Variants in MLH3 observed in about 807,000 individuals in gnomAD.
MLH3 encodes the protein mutL homolog 3, also known as DNA mismatch repair protein Mlh3.
In MLH3, 82 loss-of-function variants were observed where a neutral mutation model predicts 122.2. The ratio of observed to expected loss-of-function variants is 0.67; its 90% CI spans 0.56 to 0.81. The LOEUF is 0.81. Among genes scored for constraint, MLH3 ranks in the 30% least tolerant of loss-of-function variants. The pLI is 0.00. For synonymous variants in MLH3, 524 were observed against 599.5 expected (o/e 0.87, Z 1.84); for missense variants, 1,539 against 1,714.5 (o/e 0.90, Z 1.81).
At position 75,032,073 on chromosome 14, in the gene MLH3, G is replaced by C; in HGVS notation, c.3822C>G (p.Leu1274=). The C allele has an allele frequency of 6.3e-7, 1 of 1,583,850 alleles. No individual in the cohort carries two copies. The change falls in exon 8 of 13, where the codon CTC becomes CTG. Residue 1274 remains leucine, a synonymous_variant. Transcript: ENST00000355774. The part of the protein sequence containing the change: ...EITVTEEQRR[L]LWCYHKNLED... ...ATTCTCATGGTGGTACTGACCATAA[G>C]AGTCTCCTTTGTTCCTCTGTCACTG...
At chr14:75,051,124 G>C (rs1892629440) in intron 1 of MLH3, 4 of 152,298 alleles carry the variant, frequency 2.6e-5, no homozygotes, top group African/African-American at 9.6e-5. Flanking sequence ...CACGGGCCTG[G>C]ATCCAGGGCA....
intron 2 of MLH3, among the ~76,000 whole-genome samples, chr14:75,044,552 A>G (rs896895123): frequency 6.6e-6 from 1 of 152,226 alleles, no homozygotes; most frequent in African/African-American, 2.4e-5. Context: ...ATAAAACCAC[A>G]TAGATTGAAA....
At position 75,014,223 on chromosome 14, in the gene MLH3, C is replaced by A; in HGVS notation, c.*2859G>T. 1 of 170,920 alleles carries A rather than the reference C, an allele frequency of 5.9e-6. No individual in the cohort carries two copies. 10.6% of individuals were successfully genotyped at this position (170,920 alleles called of 1,614,324 possible). On this transcript the variant is annotated 3_prime_UTR_variant, in exon 13 of 13. Transcript: ENST00000355774. ...GCCCCTTTCTGCTCTGACCATTTTG[C>A]TTGCCTGGGTTTTTTCACTGTCTGC...
intron 12 of MLH3, among the ~76,000 whole-genome samples, chr14:75,018,574 A>C (rs1452748939): frequency 6.6e-6 from 1 of 152,258 alleles, no homozygotes; most frequent in East Asian, 1.9e-4. Flanking sequence ...TTCAGGGTAC[A>C]TAAGTCTGTA....
At chr14:75,038,861 C>T (rs1329312948) in intron 5 of MLH3, among the ~76,000 whole-genome samples, 2 of 149,490 alleles carry the variant, frequency 1.3e-5, no homozygotes, top group Admixed American at 6.7e-5. Flanking sequence ...TTTTTTGAGA[C>T]GGAGTCTCAC....
intron 6 of MLH3, among the ~76,000 whole-genome samples, chr14:75,037,673 C>T (rs1891512152): frequency 6.6e-6 from 1 of 151,964 alleles, no homozygotes; most frequent in East Asian, 1.9e-4. Context: ...AAAAGATGGG[C>T]TGGGCGTGGT....
At chr14:75,044,984 C>T (rs139394618) in intron 2 of MLH3, among the ~76,000 whole-genome samples, 73 of 152,284 alleles carry the variant, frequency 4.8e-4, no homozygotes, top group Admixed American at 2.7e-3. Context: ...AAATGTGGAC[C>T]GAGAACCCAG....
At chr14:75,030,788 T>G (rs897871922) in intron 8 of MLH3, 86 bp from the exon 9 acceptor site, 2 of 1,190,276 alleles carry the variant, frequency 1.7e-6, no homozygotes, top group African/African-American at 3.1e-5. Flanking sequence ...TACTTAATAG[T>G]TTTTCAAAAG....
intron 5 of MLH3, among the ~76,000 whole-genome samples, chr14:75,038,896 T>C (rs565392984): frequency 3.9e-5 from 6 of 151,916 alleles, no homozygotes; most frequent in Admixed American, 3.9e-4. Flanking sequence ...TGGAGTGCAA[T>C]GGTGTGATCT....
At position 75,038,375 on chromosome 14, in the gene MLH3, A is replaced by C. The variant is rs761468610; in HGVS notation, c.3608T>G (p.Leu1203Trp). 10 of 1,613,992 alleles carry C rather than the reference A, an allele frequency of 6.2e-6. No homozygotes were observed. The highest frequency in any genetic ancestry group is 8.5e-6 in the Non-Finnish European group (10 of 1,179,882). The change falls in exon 6 of 13, where the codon TTG (leucine) becomes TGG (tryptophan). Residue 1203 changes from leucine to tryptophan, a missense_variant. Coordinates refer to ENST00000355774, the MANE Select transcript of MLH3 (RefSeq NM_001040108.2). ...QQVDNKFIAC[L>W]MSTKTEENGE... ...ATTCTCTTCAGTCTTAGTGCTCATC[A>C]AACAGGCAATAAACTTGTTATCTAC...
chr14:75,025,353 C>T (rs189593039), intron 9 of MLH3, among the ~76,000 whole-genome samples: 12 of 152,212 alleles, frequency 7.9e-5, no homozygotes, highest in African/African-American at 2.4e-4. Context: ...AACTAATGTC[C>T]TCATGACAGT....
chr14:75,034,653 A>G (rs1891269102), intron 6 of MLH3, among the ~76,000 whole-genome samples: 1 of 151,934 alleles, frequency 6.6e-6, no homozygotes, highest in African/African-American at 2.4e-5. Flanking sequence ...AACCATTCCC[A>G]TCTCCCTGGC....
intron 8 of MLH3, among the ~76,000 whole-genome samples, 159 bp downstream of exon 8, chr14:75,031,909 A>G (rs1891076836): frequency 6.6e-6 from 1 of 152,234 alleles, no homozygotes; most frequent in African/African-American, 2.4e-5. Context: ...CCTGCCTTTG[A>G]GTGCCTGCTC....
At chr14:75,026,632 T>G (rs1890646127) in intron 9 of MLH3, among the ~76,000 whole-genome samples, 1 of 152,122 alleles carries the variant, frequency 6.6e-6, no homozygotes, top group South Asian at 2.1e-4. Context: ...CTTTCCAAAC[T>G]GAAGAAGCAT....
rs761250969 is a variant in MLH3 at position 75,030,551 on chromosome 14, T to C, written c.3979A>G (p.Ile1327Val). The C allele has an allele frequency of 1.1e-5, 18 of 1,614,020 alleles. No individual in the cohort carries two copies. Among genetic ancestry groups the C allele is most frequent in the Non-Finnish European group, 1.4e-5 (17 of 1,180,000 alleles). Residue 1327 changes from isoleucine (I) to valine (V), a missense_variant, in exon 9 of 13, where the codon ATT becomes GTT. Coordinates refer to ENST00000355774, the MANE Select transcript of MLH3 (RefSeq NM_001040108.2). ...CTGCAGCTGTGTCTTACCTCCACAA[T>C]ACTCTTGGTCACAGTAGATCTTCCT... ...RRGRSTVTKS[I>V]VEEFIREQLE... is the part of the protein sequence containing the mutation.
rs746636314 is a variant in MLH3 at position 75,046,858 on chromosome 14, C to CAAAA, written c.2797_2798insTTTT (p.Gly933ValfsTer14). On this transcript the variant is annotated frameshift_variant, in exon 2 of 13. Coordinates refer to ENST00000355774, the MANE Select transcript of MLH3 (RefSeq NM_001040108.2). LOFTEE classifies it high-confidence loss of function. ...GGCAGAATCTGATGTTGGGATGACA[C>CAAAA]CATTCTCTGTTTTTTCATGCTTGTT... The CAAAA allele has an allele frequency of 6.2e-7, 1 of 1,613,992 alleles. No homozygotes were observed. Among genetic ancestry groups the CAAAA allele is most frequent in the Admixed American group, 1.7e-5 (1 of 60,016 alleles).
Position 75,047,774 on chromosome 14 carries a change from T to C in MLH3, c.1882A>G (p.Lys628Glu). 6.2e-7 allele frequency: 1 copy of C among 1,614,126 alleles called. No homozygotes were observed. ...GTGGGACCAGGTCTAACATAATTTTTAAATGAATGTTCTGTTTCAGTTGAT... is the reference window on the plus strand; with the variant it reads ...GTGGGACCAGGTCTAACATAATTTTCAAATGAATGTTCTGTTTCAGTTGAT... ...TKSTETEHSF[K>E]NYVRPGPTRA... The change falls in exon 2 of 13, where the codon AAA (lysine) becomes GAA (glutamate). Residue 628 changes from lysine (K) to glutamate (E), a missense_variant. Coordinates refer to ENST00000355774, the MANE Select transcript of MLH3 (RefSeq NM_001040108.2).
rs2139546286 is a variant in MLH3, at chr14:75,046,490, C to T, written c.3166G>A (p.Val1056Ile). Residue 1056 changes from valine to isoleucine, a missense_variant, in exon 2 of 13, where the codon GTT becomes ATT. By Grantham distance (29) the Val-to-Ile change is conservative (BLOSUM62 3). Transcript: ENST00000355774. ...AGTCCAGTCATTTTGTTGACATAAA[C>T]CATTCTTCCCAGGGCTACATCGAAA... ...RHFDVALGRM[V>I]YVNKMTGLST... 1 of 1,614,174 alleles carries T rather than the reference C, an allele frequency of 6.2e-7. No homozygotes were observed. The highest frequency in any genetic ancestry group is 8.5e-7 in the Non-Finnish European group (1 of 1,180,022).
At chr14:75,029,984 C>CAA (rs35978930) in intron 9 of MLH3, among the ~76,000 whole-genome samples, 1 of 141,080 alleles carries the variant, frequency 7.1e-6, no homozygotes, top group Non-Finnish European at 1.6e-5. Context: ...CCCATCTCTA[C>CAA]AAAAAAAAAA....
Sources: allele counts gnomAD v4.1 joint callset (sites outside exome capture counted in the v4.1 genomes callset), GRCh38; gene constraint gnomAD v4.1.1; transcripts MANE v1.5; gene names NCBI Gene and HGNC (gene_info 2026-07-23, HGNC 2026-07-21).